The following PARPBP variants were observed in gnomAD, a reference collection of about 807,000 sequenced individuals.
PARPBP encodes PCNA-interacting partner.
In PARPBP, 52 loss-of-function variants were observed where a neutral mutation model predicts 50.0. That is an observed-to-expected ratio of 1.04 (90% confidence interval 0.83 to 1.31). The LOEUF is 1.31. Ranked by LOEUF, PARPBP falls within the 50% of genes most tolerant of loss-of-function variation. The pLI is 0.00. For synonymous variants in PARPBP, 244 were observed against 232.1 expected (o/e 1.05, Z -0.47); for missense variants, 697 against 672.0 (o/e 1.04, Z -0.41).
At chr12:102,140,132 A>C (rs544414938) in intron 2 of PARPBP, among the ~76,000 whole-genome samples, 58 of 152,260 alleles carry the variant, frequency 3.8e-4, no homozygotes, top group African/African-American at 1.4e-3. Flanking sequence ...TTTGGTTGGT[A>C]GGCTATTAAT....
In PARPBP at chr12:102,164,591, C is replaced by A. The variant is rs75438625; in HGVS notation, c.649C>A (p.Gln217Lys). The A allele has an allele frequency of 7.1e-3, 11,493 of 1,613,250 alleles. 290 individuals carry two copies. In the African/African-American group the frequency reaches 0.076, roughly 11 times the overall value. Residue 217 changes from glutamine to lysine, a missense_variant, in exon 5 of 11, where the codon CAA becomes AAA. Coordinates refer to ENST00000327680, the MANE Select transcript of PARPBP (RefSeq NM_017915.5). Reference protein sequence around the residue: ...TDLKHAAREKQMSIFLVATSF... With the variant: ...TDLKHAAREKKMSIFLVATSF... Reference sequence around the variant, plus strand: ...TTTGAAACATGCTGCTCGAGAGAAACAAATGTCTATCTTTTTGGTATGGTT... The same window carrying A: ...TTTGAAACATGCTGCTCGAGAGAAAAAAATGTCTATCTTTTTGGTATGGTT...
chr12:102,135,423 T>C (rs1284906391), intron 2 of PARPBP, among the ~76,000 whole-genome samples: 2 of 150,850 alleles, frequency 1.3e-5, no homozygotes, highest in African/African-American at 4.9e-5. Context: ...CAGGCGCCTG[T>C]AGTTCCAGCT....
At chr12:102,139,909 A>C (rs1254421606) in intron 2 of PARPBP, among the ~76,000 whole-genome samples, 1 of 152,192 alleles carries the variant, frequency 6.6e-6, no homozygotes, top group African/African-American at 2.4e-5. Context: ...GGATTTTCGC[A>C]TGGATGTTCA....
chr12:102,187,798 TA>T (rs2137196617), intron 9 of PARPBP, among the ~76,000 whole-genome samples: 1 of 152,244 alleles, frequency 6.6e-6, no homozygotes, highest in African/African-American at 2.4e-5. Context: ...TTCATGAGGA[TA>T]TAGTACGTCA....
chr12:102,160,941 A>G (rs1041551029), intron 4 of PARPBP, among the ~76,000 whole-genome samples: 8 of 148,768 alleles, frequency 5.4e-5, no homozygotes, highest in African/African-American at 2.0e-4. Flanking sequence ...AGAGGGAAAC[A>G]TCATCTCAAA....
At chr12:102,180,239 G>A (rs1889694384) in intron 8 of PARPBP, among the ~76,000 whole-genome samples, 2 of 152,102 alleles carry the variant, frequency 1.3e-5, no homozygotes, top group African/African-American at 4.8e-5. Context: ...AGAAATAAAT[G>A]AACTTTTATT....
At chr12:102,133,265 A>G (rs895343814) in intron 2 of PARPBP, among the ~76,000 whole-genome samples, 7 of 152,162 alleles carry the variant, frequency 4.6e-5, no homozygotes, top group Non-Finnish European at 8.8e-5. Context: ...ACTATTGAGT[A>G]TGATGTTAGC....
At position 102,196,352 on chromosome 12, in the gene PARPBP, A is replaced by G; in HGVS notation, c.*61A>G. ...TAAACCATTCACCAAAGACATGCTT[A>G]ATTTTTAAGAGATCAAGGTGTAAAT... On this transcript the variant is annotated 3_prime_UTR_variant, in exon 11 of 11. Coordinates refer to ENST00000327680, the MANE Select transcript of PARPBP (RefSeq NM_017915.5). The G allele has an allele frequency of 9.3e-7, 1 of 1,080,528 alleles. No homozygotes were observed. Among genetic ancestry groups the G allele is most frequent in the Non-Finnish European group, 1.3e-6 (1 of 741,528 alleles). 66.9% of individuals were successfully genotyped at this position (1,080,528 alleles called of 1,614,324 possible). A position where few individuals can be genotyped will look rare whatever the true frequency, so the allele number is the denominator to read the frequency against.
chr12:102,175,811 A>G (rs1889216039), intron 7 of PARPBP, 145 bp downstream of exon 7: 11 of 572,776 alleles, frequency 1.9e-5, no homozygotes, highest in Non-Finnish European at 3.2e-5. Flanking sequence ...AAGTTTCTCA[A>G]TAGGATTATG....
At chr12:102,136,609 C>T (rs951316431) in intron 2 of PARPBP, among the ~76,000 whole-genome samples, 1 of 152,128 alleles carries the variant, frequency 6.6e-6, no homozygotes. Context: ...TCACTTAATT[C>T]AGTGTGAAAG....
chr12:102,139,170 G>A (rs1884147284), intron 2 of PARPBP, among the ~76,000 whole-genome samples: 2 of 152,158 alleles, frequency 1.3e-5, no homozygotes, highest in Non-Finnish European at 2.9e-5. Context: ...TCATTGAGCA[G>A]TGGTTTGTAG....
intron 6 of PARPBP, among the ~76,000 whole-genome samples, chr12:102,173,832 T>C (rs1049042810): frequency 1.3e-5 from 2 of 149,864 alleles, no homozygotes; most frequent in Non-Finnish European, 3.0e-5. Context: ...CCATGCCAGC[T>C]CTGGTTGGTT....
chr12:102,155,601 G>GGT (rs762635558), intron 4 of PARPBP, among the ~76,000 whole-genome samples: 2 of 123,560 alleles, frequency 1.6e-5, no homozygotes, highest in South Asian at 3.5e-4. Context: ...TGGTGGGGGG[G>GGT]GGGGGCGGGG....
intron 6 of PARPBP, among the ~76,000 whole-genome samples, chr12:102,172,279 C>T (rs1027360031): frequency 2.6e-5 from 4 of 152,326 alleles, no homozygotes; most frequent in Non-Finnish European, 5.9e-5. Flanking sequence ...GGGAAGCACT[C>T]CTGAATACCT....
chr12:102,132,748 A>G lies in PARPBP; in HGVS notation c.153+8707A>G, dbSNP rs1041286003. On this transcript the variant is annotated intron_variant, in intron 2 of 10. Transcript: ENST00000327680. ...GAATCTGTATATTGCTTTGGATAAT[A>G]TGGACATTTTAACAATATTAATTCT... 2.6e-5 allele frequency among the ~76,000 whole-genome samples: 4 copies of G among 152,328 alleles called. No individual in the cohort carries two copies. The East Asian group carries it at 5.8e-4, about 22-fold the overall frequency.
rs547366565 is a variant in PARPBP at position 102,130,115 on chromosome 12, C to G, written c.153+6074C>G. Among the ~76,000 whole-genome samples, 4 of 152,232 alleles carry G rather than the reference C, an allele frequency of 2.6e-5. No homozygotes were observed. The South Asian group carries it at 8.3e-4, about 32-fold the overall frequency. ...ACACCAACAACCATCTGATCTTCAA[C>G]AAAGCTGATGAAAACAAGCAATGGG... On this transcript the variant is annotated intron_variant, in intron 2 of 10. Coordinates refer to ENST00000327680, the MANE Select transcript of PARPBP (RefSeq NM_017915.5).
At chr12:102,163,622 T>A (rs1304958158) in intron 4 of PARPBP, among the ~76,000 whole-genome samples, 1 of 152,100 alleles carries the variant, frequency 6.6e-6, no homozygotes, top group Non-Finnish European at 1.5e-5. Context: ...TTCATCTTTT[T>A]TGTTGTTGTT....
At chr12:102,124,606 G>A (rs577753821) in intron 2 of PARPBP, among the ~76,000 whole-genome samples, 1 of 152,316 alleles carries the variant, frequency 6.6e-6, no homozygotes, top group Non-Finnish European at 1.5e-5. Context: ...ATAGATTTTA[G>A]ATAAAGGAAG....
Position 102,123,238 on chromosome 12 carries a change from A to G in PARPBP, c.-3-648A>G, listed in dbSNP as rs1594419725. Among the ~76,000 whole-genome samples the G allele has an allele frequency of 1.3e-5, 2 of 152,234 alleles. 1 individual carries two copies. The highest frequency in any genetic ancestry group is 4.1e-4 in the South Asian group (2 of 4,836). ...ATTGTTTGTATGAACAGTTTAGCAC[A>G]GTGAACCACTCTTACTGGAAACACT... On this transcript the variant is annotated intron_variant, in intron 1 of 10. Transcript: ENST00000327680.
Sources: allele counts gnomAD v4.1 joint callset (sites outside exome capture counted in the v4.1 genomes callset), GRCh38; gene constraint gnomAD v4.1.1; transcripts MANE v1.5; gene names NCBI Gene and HGNC (gene_info 2026-07-23, HGNC 2026-07-21).